NTRK2: variants seen among roughly 807,000 people sequenced by gnomAD.
NTRK2 encodes BDNF/NT-3 growth factors receptor.
In NTRK2, 13 loss-of-function variants were observed where a neutral mutation model predicts 94.5. The ratio of observed to expected loss-of-function variants is 0.14; its 90% CI spans 0.09 to 0.22. NTRK2 has a LOEUF of 0.22. Ranked by LOEUF, NTRK2 falls within the 10% of genes least tolerant of loss-of-function variation. NTRK2 has a pLI of 1.00. For missense variants in NTRK2, 639 were observed against 1,071.2 expected (o/e 0.60, Z 5.63); for synonymous variants, 372 against 407.4 (o/e 0.91, Z 1.05).
intron 17 of NTRK2, among the ~76,000 whole-genome samples, chr9:84,993,403 C>T (rs1829339678): frequency 6.6e-6 from 1 of 152,206 alleles, no homozygotes; most frequent in African/African-American, 2.4e-5. Context: ...CTAGCCTACT[C>T]AAGTGCTTCC....
At chr9:84,926,049 A>G (rs2077752965) in intron 14 of NTRK2, among the ~76,000 whole-genome samples, 2 of 152,082 alleles carry the variant, frequency 1.3e-5, no homozygotes, top group African/African-American at 4.8e-5. Flanking sequence ...TTAGTGAGAT[A>G]TTCAAAGCCC....
At chr9:84,905,250 C>A (rs1181261888) in intron 14 of NTRK2, among the ~76,000 whole-genome samples, 2 of 149,780 alleles carry the variant, frequency 1.3e-5, no homozygotes, top group East Asian at 2.0e-4. Flanking sequence ...TTACCCCAAA[C>A]CTACTCCATG....
chr9:84,871,792 C>T (rs2075876206), intron 14 of NTRK2: 3 of 1,613,630 alleles, frequency 1.9e-6, no homozygotes, highest in Non-Finnish European at 2.5e-6. Context: ...ATTGCAGGGC[C>T]CAGAGGTTCC....
intron 12 of NTRK2, among the ~76,000 whole-genome samples, chr9:84,857,066 A>G (rs963669688): frequency 6.7e-5 from 10 of 150,082 alleles, no homozygotes; most frequent in Admixed American, 6.6e-5. Context: ...TCAACCCCCT[A>G]TGTTTTAGCT....
intron 14 of NTRK2, among the ~76,000 whole-genome samples, chr9:84,918,904 G>A (rs2077476468): frequency 6.6e-6 from 1 of 152,072 alleles, no homozygotes; most frequent in South Asian, 2.1e-4. Flanking sequence ...AATACACCAT[G>A]CATATTGCTA....
At chr9:84,694,813 T>C (rs2060261744) in intron 2 of NTRK2, among the ~76,000 whole-genome samples, 1 of 152,020 alleles carries the variant, frequency 6.6e-6, no homozygotes, top group Non-Finnish European at 1.5e-5. Context: ...TCTGTCTATC[T>C]AGAGATGATA....
intron 14 of NTRK2, among the ~76,000 whole-genome samples, chr9:84,878,189 A>G (rs953669195): frequency 3.9e-5 from 6 of 152,230 alleles, no homozygotes; most frequent in Non-Finnish European, 8.8e-5. Context: ...CTCATGCAAC[A>G]TTTTAAAAGA....
intron 12 of NTRK2, among the ~76,000 whole-genome samples, chr9:84,767,242 T>G (rs1349097665): frequency 6.6e-6 from 1 of 152,202 alleles, no homozygotes; most frequent in Non-Finnish European, 1.5e-5. Flanking sequence ...AAAATGACAC[T>G]GAAAACTCAG....
intron 12 of NTRK2, among the ~76,000 whole-genome samples, chr9:84,836,712 A>T (rs1454815194): frequency 6.7e-6 from 1 of 148,818 alleles, no homozygotes; most frequent in East Asian, 2.0e-4. Context: ...TCATACAGTG[A>T]TTATCACTAC....
At chr9:84,987,247 A>G (rs1017713341) in intron 17 of NTRK2, among the ~76,000 whole-genome samples, 5 of 152,224 alleles carry the variant, frequency 3.3e-5, no homozygotes, top group African/African-American at 1.2e-4. Flanking sequence ...TTTCTGGTCA[A>G]GAATTGGTTT....
chr9:84,942,946 AC>A (rs936565668), intron 15 of NTRK2, among the ~76,000 whole-genome samples: 2 of 152,152 alleles, frequency 1.3e-5, no homozygotes, highest in Non-Finnish European at 1.5e-5. Context: ...ACCCAGAGGA[AC>A]TCAGGCATAT....
At chr9:84,685,990 A>C (rs1055120921) in intron 2 of NTRK2, among the ~76,000 whole-genome samples, 4 of 152,210 alleles carry the variant, frequency 2.6e-5, no homozygotes, top group African/African-American at 9.6e-5. Context: ...GTGTTACACA[A>C]ATACACACGG....
At chr9:84,825,981 C>A (rs1399197402) in intron 12 of NTRK2, among the ~76,000 whole-genome samples, 1 of 152,198 alleles carries the variant, frequency 6.6e-6, no homozygotes, top group Non-Finnish European at 1.5e-5. Context: ...AAGGCTGAAT[C>A]AGAAATAGGG....
At chr9:84,834,027 G>A (rs114154845) in intron 12 of NTRK2, among the ~76,000 whole-genome samples, 73 of 152,174 alleles carry the variant, frequency 4.8e-4, no homozygotes, top group African/African-American at 1.6e-3. Context: ...CACTACAATC[G>A]CCATAGCCAC....
intron 14 of NTRK2, among the ~76,000 whole-genome samples, chr9:84,926,121 C>G (rs1339518673): frequency 2.5e-5 from 1 of 40,754 alleles, no homozygotes; most frequent in Admixed American, 2.3e-4. Flanking sequence ...TTCCTTCCTT[C>G]CTTCCTTCCT....
intron 12 of NTRK2, among the ~76,000 whole-genome samples, chr9:84,842,508 AC>A (rs1587629394): frequency 6.6e-6 from 1 of 152,052 alleles, no homozygotes; most frequent in East Asian, 1.9e-4. Context: ...CAGGTATCTG[AC>A]TGCTCCAGGG....
intron 17 of NTRK2, among the ~76,000 whole-genome samples, chr9:85,010,254 G>T (rs1051285413): frequency 6.6e-6 from 1 of 152,110 alleles, no homozygotes; most frequent in East Asian, 1.9e-4. Context: ...TTGGAGTTTT[G>T]GTCCTAAACC....
chr9:84,946,075 G>A (rs902745105), intron 15 of NTRK2, among the ~76,000 whole-genome samples: 6 of 152,182 alleles, frequency 3.9e-5, no homozygotes, highest in African/African-American at 1.4e-4. Flanking sequence ...GGACCTGGCC[G>A]TGTTCTGGAC....
intron 2 of NTRK2, among the ~76,000 whole-genome samples, chr9:84,687,427 C>T (rs1470090370): frequency 8.5e-5 from 13 of 152,118 alleles, no homozygotes. Flanking sequence ...TGATTATTTT[C>T]CCCTGGATTT....
Sources: allele counts gnomAD v4.1 joint callset (sites outside exome capture counted in the v4.1 genomes callset), GRCh38; gene constraint gnomAD v4.1.1; transcripts MANE v1.5; gene names NCBI Gene and HGNC (gene_info 2026-07-23, HGNC 2026-07-21).